ANK1: variants seen among roughly 807,000 people sequenced by gnomAD.
ANK1 encodes ankyrin 1.
A neutral mutation model predicts 210.4 loss-of-function variants in ANK1; 51 were observed. The observed-to-expected ratio is 0.24, with a 90% CI of 0.19 to 0.31. The LOEUF (loss-of-function observed/expected upper bound fraction) is 0.31. Ranked by LOEUF, ANK1 falls within the 10% of genes least tolerant of loss-of-function variation. ANK1 has a pLI of 1.00. For missense variants in ANK1, 2,051 were observed against 2,504.4 expected (o/e 0.82, Z 3.86); for synonymous variants, 967 against 1,025.9 (o/e 0.94, Z 1.10).
rs376868740 is a variant in ANK1, at chr8:41,797,482, C to G, written c.27+30G>C. 1.2e-5 allele frequency: 19 copies of G among 1,604,736 alleles called. No homozygotes were observed. The highest frequency in any genetic ancestry group is 1.6e-5 in the Non-Finnish European group (19 of 1,172,728). Reference sequence around the variant, plus strand: ...GGGTGGCCCCCTCCTGACATCTCCCCGTCCACCCGAGCAGCCGCCCAGTAC... The same window carrying G: ...GGGTGGCCCCCTCCTGACATCTCCCGGTCCACCCGAGCAGCCGCCCAGTAC... On this transcript the variant is annotated intron_variant, in intron 1 of 42. Coordinates refer to ENST00000289734, the MANE Select transcript of ANK1 (RefSeq NM_000037.4). This position sits in a 1 kb window ranked among gnomAD's most constrained non-coding sequence, Gnocchi z 4.0.
At position 41,880,217 on chromosome 8, in the gene ANK1, G is replaced by A. The variant is rs183097408; in HGVS notation, c.126+16138C>T. Among the ~76,000 whole-genome samples the A allele has an allele frequency of 2.7e-3, 417 of 152,300 alleles. 1 individual carries two copies. Among genetic ancestry groups the A allele is most frequent in the African/African-American group, 8.7e-3 (361 of 41,568 alleles). ...GTTTTATTGGAATATGGCCATGCTC[G>A]TTTGTTTGTGTATTGCCTGTGGTTG... On this transcript the variant is annotated intron_variant, in intron 1 of 42. Coordinates refer to the ANK1 transcript ENST00000265709.
Position 41,760,195 on chromosome 8 carries a change from G to C in ANK1, c.28-2058C>G, listed in dbSNP as rs1452939561. On this transcript the variant is annotated intron_variant, in intron 1 of 42. Coordinates refer to ENST00000289734, the MANE Select transcript of ANK1 (RefSeq NM_000037.4). ...GTTTACTAATTGATATGGTTTGGCT[G>C]TGTCACCACCCAAATCTCATCTTGA... Among the ~76,000 whole-genome samples, 3 of 152,192 alleles carry C rather than the reference G, an allele frequency of 2.0e-5. No homozygotes were observed. In the South Asian group the frequency reaches 6.2e-4, roughly 32 times the overall value.
chr8:41,808,651 G>A (rs1236758724), intron 1 of ANK1, among the ~76,000 whole-genome samples: 23 of 152,050 alleles, frequency 1.5e-4, no homozygotes. Flanking sequence ...GGGTGACAGA[G>A]CGAGACTCTG....
At chr8:41,726,923 C>T (rs61352286) in intron 5 of ANK1, among the ~76,000 whole-genome samples, 1,537 of 152,314 alleles carry the variant, frequency 0.01, 23 homozygotes, top group African/African-American at 0.031. Flanking sequence ...AAGAGCCTTT[C>T]TCATTAAGGC....
chr8:41,887,751 A>G (rs1325011721), intron 1 of ANK1, among the ~76,000 whole-genome samples: 1 of 152,222 alleles, frequency 6.6e-6, no homozygotes, highest in Non-Finnish European at 1.5e-5. Flanking sequence ...TATTGTGTCA[A>G]TTTAAAGTGA....
At position 41,864,742 on chromosome 8, in the gene ANK1, C is replaced by G. The variant is rs142773908; in HGVS notation, c.126+31613G>C. ...GACCCCTTACCAACCTAACCGTCGT[C>G]ACTCATGGAACCACGGCTGAGTGGG... On this transcript the variant is annotated intron_variant, in intron 1 of 42. Coordinates refer to the ANK1 transcript ENST00000265709. 1.5e-3 allele frequency among the ~76,000 whole-genome samples: 236 copies of G among 152,350 alleles called. 1 individual carries two copies. Among genetic ancestry groups the G allele is most frequent in the African/African-American group, 5.4e-3 (226 of 41,572 alleles).
In ANK1 at chr8:41,797,522, C is replaced by G; in HGVS notation, c.17G>C (p.Gly6Ala). The G allele has an allele frequency of 6.2e-7, 1 of 1,613,816 alleles. No individual in the cohort carries two copies. The highest frequency in any genetic ancestry group is 1.1e-5 in the South Asian group (1 of 91,044). ...CCGCCCAGTACTCACTTCGCGGAAG[C>G]CCACAGAATAGGGCATGCCGGTCTT... is the stretch of plus-strand genomic sequence containing the variant. MPYSVGFREADAATSF... is the reference protein window; with the variant it reads MPYSVAFREADAATSF... Residue 6 changes from glycine (G) to alanine (A), a missense_variant, in exon 1 of 43, where the codon GGC becomes GCC. Around this residue, in one of 6 missense-constraint regions of ANK1, gnomAD observed 21 missense variants for 18.7 expected, o/e 1.12. Coordinates refer to ENST00000289734, the MANE Select transcript of ANK1 (RefSeq NM_000037.4). The surrounding 1 kb of genome is among the most constrained non-coding windows in gnomAD (Gnocchi z 4.0).
rs543245324 is a variant in ANK1, at chr8:41,688,614, G to T, written c.4105-25C>A. The T allele has an allele frequency of 1.3e-4, 213 of 1,609,606 alleles. 2 individuals are homozygous for T. The South Asian group carries it at 2.3e-3, about 17-fold the overall frequency. On this transcript the variant is annotated intron_variant, in intron 33 of 42. Transcript: ENST00000289734. ...CCTGCAGAAGAAGAAAGGGTGCTTT[G>T]GGTTTTGGACTCTCCCCACCTTCCC...
At chr8:41,882,167 C>T (rs1440549989) in intron 1 of ANK1, among the ~76,000 whole-genome samples, 2 of 152,112 alleles carry the variant, frequency 1.3e-5, no homozygotes, top group African/African-American at 2.4e-5. Flanking sequence ...AAACATGATA[C>T]CTGCTTCTCC....
At chr8:41,730,866 T>C (rs1378592005) in intron 3 of ANK1, among the ~76,000 whole-genome samples, 1 of 152,206 alleles carries the variant, frequency 6.6e-6, no homozygotes, top group Non-Finnish European at 1.5e-5. Context: ...TGGGCCAGCA[T>C]GGAGGCACAG....
At chr8:41,746,399 G>A (rs1333436488) in intron 2 of ANK1, among the ~76,000 whole-genome samples, 1 of 152,150 alleles carries the variant, frequency 6.6e-6, no homozygotes, top group Non-Finnish European at 1.5e-5. Flanking sequence ...GAAACTGAGA[G>A]GACAGCACAA....
chr8:41,791,606 A>G (rs529497628), intron 1 of ANK1, among the ~76,000 whole-genome samples: 161 of 152,066 alleles, frequency 1.1e-3, no homozygotes, highest in Middle Eastern at 6.8e-3. Flanking sequence ...TGATTTTTGT[A>G]TTTTTAGGCA....
In ANK1 at chr8:41,698,098, C is replaced by T; in HGVS notation, c.2582G>A (p.Arg861Lys). 1 of 1,614,126 alleles carries T rather than the reference C, an allele frequency of 6.2e-7. No homozygotes were observed. The highest frequency in any genetic ancestry group is 8.5e-7 in the Non-Finnish European group (1 of 1,180,030). ...TGTCTCAGGCATGGCACAGGGAATC[C>T]TGGGGATGGCTGGAGATTCCACCCT... ...DQVVESPAIPRIPCAMPETVV... is the reference protein window; with the variant it reads ...DQVVESPAIPKIPCAMPETVV... Residue 861 changes from arginine to lysine, a missense_variant, in exon 24 of 43, where the codon AGG becomes AAG. Physicochemically the swap from Arg to Lys is conservative, Grantham distance 26 (BLOSUM62 2). Coordinates refer to ENST00000289734, the MANE Select transcript of ANK1 (RefSeq NM_000037.4).
intron 24 of ANK1, among the ~76,000 whole-genome samples, chr8:41,697,416 C>T (rs568285721): frequency 2.0e-5 from 3 of 152,266 alleles, no homozygotes; most frequent in African/African-American, 7.2e-5. Context: ...CGGTCCAGAA[C>T]GTCCTTGTCC....
At chr8:41,875,417 A>G (rs1563947499) in intron 1 of ANK1, among the ~76,000 whole-genome samples, 1 of 152,162 alleles carries the variant, frequency 6.6e-6, no homozygotes, top group African/African-American at 2.4e-5. Flanking sequence ...TTCTTGAGAA[A>G]GTCACCACCG....
chr8:41,668,259 G>A lies in ANK1; in HGVS notation c.5394+8C>T. ...AACAGCAGCACGCAGCTCCCCTCGG[G>A]CTCTCACCTGCACCACTTGGGTGAA... On this transcript the variant is annotated splice_region_variant and intron_variant, in intron 39 of 42. Transcript: ENST00000289734. The A allele has an allele frequency of 1.9e-6, 3 of 1,614,212 alleles. No homozygotes were observed. The highest frequency in any genetic ancestry group is 2.5e-6 in the Non-Finnish European group (3 of 1,180,042).
At chr8:41,821,019 C>T (rs895480401) in intron 1 of ANK1, among the ~76,000 whole-genome samples, 7 of 152,162 alleles carry the variant, frequency 4.6e-5, no homozygotes, top group African/African-American at 1.4e-4. Flanking sequence ...ATTTTACTAA[C>T]GTAGATTTCC....
chr8:41,871,950 G>A (rs1815592333), intron 1 of ANK1, among the ~76,000 whole-genome samples: 1 of 152,174 alleles, frequency 6.6e-6, no homozygotes, highest in African/African-American at 2.4e-5. Flanking sequence ...CCGGGATGGG[G>A]GAAGGGAGGG....
At chr8:41,737,910 T>G (rs575747533) in intron 2 of ANK1, among the ~76,000 whole-genome samples, 88 of 152,284 alleles carry the variant, frequency 5.8e-4, no homozygotes, top group African/African-American at 1.9e-3. Flanking sequence ...ACTCAACAAA[T>G]ATTTATGGAG....
Sources: allele counts gnomAD v4.1 joint callset (sites outside exome capture counted in the v4.1 genomes callset), GRCh38; gene constraint gnomAD v4.1.1; regional missense constraint gnomAD v4.1.1; non-coding constraint Gnocchi (gnomAD v3.1); transcripts MANE v1.5; gene names NCBI Gene and HGNC (gene_info 2026-07-23, HGNC 2026-07-21).